Variants in CTNNA1 observed in about 807,000 individuals in gnomAD.
CTNNA1 encodes the protein catenin alpha-1.
In CTNNA1, 37 loss-of-function variants were observed where a neutral mutation model predicts 98.4. The ratio of observed to expected loss-of-function variants is 0.38; its 90% CI spans 0.29 to 0.49. The LOEUF is 0.49. Ranked by LOEUF, CTNNA1 falls within the 20% of genes least tolerant of loss-of-function variation. The probability of loss-of-function intolerance (pLI) is 0.95; values close to 1 mark genes in which losing one functional copy is unlikely to be tolerated. For synonymous variants in CTNNA1, 404 were observed against 413.2 expected (o/e 0.98, Z 0.27); for missense variants, 761 against 1,147.2 (o/e 0.66, Z 4.86).
chr5:138,861,391 T>A (rs937416995), intron 7 of CTNNA1, among the ~76,000 whole-genome samples: 1 of 152,224 alleles, frequency 6.6e-6, no homozygotes, highest in African/African-American at 2.4e-5. Context: ...TGCCTAATGT[T>A]CGTGTCTTTT....
intron 1 of CTNNA1, among the ~76,000 whole-genome samples, chr5:138,777,109 T>C (rs1754376882): frequency 1.4e-5 from 2 of 144,846 alleles, no homozygotes; most frequent in South Asian, 2.3e-4. Flanking sequence ...TATGGGGCGG[T>C]TGCCAGGCGG....
intron 9 of CTNNA1, among the ~76,000 whole-genome samples, chr5:138,903,687 C>T (rs535020944): frequency 6.6e-6 from 1 of 152,292 alleles, no homozygotes; most frequent in South Asian, 2.1e-4. Context: ...CCGCATCAGC[C>T]AGGAGAGATT....
chr5:138,844,872 TAG>T (rs952409071), intron 7 of CTNNA1, among the ~76,000 whole-genome samples: 1 of 152,102 alleles, frequency 6.6e-6, no homozygotes, highest in African/African-American at 2.4e-5. Context: ...AAAAATTAAT[TAG>T]TGTGCAGGAG....
chr5:138,832,452 A>G (rs1282087941), intron 7 of CTNNA1, among the ~76,000 whole-genome samples: 2 of 152,226 alleles, frequency 1.3e-5, no homozygotes, highest in African/African-American at 2.4e-5. Flanking sequence ...TGGCTCTGTC[A>G]GCCTAAAGTT....
rs374974612 is a variant in CTNNA1, at chr5:138,884,137, G to T, written c.1063-2075G>T. Among the ~76,000 whole-genome samples, 45 of 152,308 alleles carry T rather than the reference G, an allele frequency of 3.0e-4. 2 individuals carry two copies. The East Asian group carries it at 6.8e-3, about 23-fold the overall frequency. On this transcript the variant is annotated intron_variant, in intron 7 of 17. Coordinates refer to ENST00000302763, the MANE Select transcript of CTNNA1 (RefSeq NM_001903.5). The stretch of plus-strand genomic sequence containing the variant: ...GTAGACATCAATCAACACATGTAAG[G>T]TGTACATTGGTTTGGTCCTGAAAGC...
At chr5:138,924,326 G>C (rs915020616) in intron 11 of CTNNA1, among the ~76,000 whole-genome samples, 184 bp from the exon 12 acceptor site, 1 of 150,720 alleles carries the variant, frequency 6.6e-6, no homozygotes, top group South Asian at 2.1e-4. Context: ...GTTATTCTTG[G>C]GGGTGATAAC....
chr5:138,896,499 C>T (rs1756847813), intron 9 of CTNNA1, among the ~76,000 whole-genome samples: 1 of 152,184 alleles, frequency 6.6e-6, no homozygotes, highest in African/African-American at 2.4e-5. Context: ...CTGCACTTCT[C>T]AGTGGAATCT....
rs141057148 is a variant in CTNNA1 at position 138,786,643 on chromosome 5, G to C, written c.301+3271G>C. 7.2e-5 allele frequency among the ~76,000 whole-genome samples: 11 copies of C among 152,254 alleles called. No homozygotes were observed. The East Asian group carries it at 2.1e-3, about 29-fold the overall frequency. On this transcript the variant is annotated intron_variant, in intron 3 of 17. Coordinates refer to ENST00000302763, the MANE Select transcript of CTNNA1 (RefSeq NM_001903.5). ...CTTTTTCTCATGGATTATTCTGTCT[G>C]GGGGAAGCTGGCTGCTATGTCTTGA...
chr5:138,786,584 G>T (rs1298489721), intron 3 of CTNNA1, among the ~76,000 whole-genome samples: 1 of 152,160 alleles, frequency 6.6e-6, no homozygotes, highest in Non-Finnish European at 1.5e-5. Flanking sequence ...TACTTTGGGA[G>T]CAAAGTTATA....
intron 1 of CTNNA1, among the ~76,000 whole-genome samples, chr5:138,756,279 C>T (rs1281897484): frequency 6.6e-6 from 1 of 152,066 alleles, no homozygotes; most frequent in African/African-American, 2.4e-5. Flanking sequence ...TCGTGATCCA[C>T]CTCGGCCTCC....
chr5:138,902,704 C>T (rs1268595610), intron 9 of CTNNA1, among the ~76,000 whole-genome samples: 1 of 152,208 alleles, frequency 6.6e-6, no homozygotes, highest in African/African-American at 2.4e-5. Context: ...CAGGCATGAG[C>T]CACCGTGCCC....
intron 16 of CTNNA1, chr5:138,931,628 C>T (rs1580919220): frequency 1.0e-6 from 1 of 985,454 alleles, no homozygotes. Flanking sequence ...ACAAACCAGT[C>T]TTGTCCTTTC....
chr5:138,862,742 G>C (rs1206625834), intron 7 of CTNNA1, among the ~76,000 whole-genome samples: 4 of 152,160 alleles, frequency 2.6e-5, no homozygotes, highest in African/African-American at 9.7e-5. Context: ...GTGTAACAAG[G>C]CTGTTGAGGC....
intron 1 of CTNNA1, among the ~76,000 whole-genome samples, chr5:138,757,027 C>T (rs1053116970): frequency 1.1e-4 from 17 of 150,712 alleles, no homozygotes; most frequent in African/African-American, 3.2e-4. Context: ...TATGAGACCC[C>T]GCCTCTAAAA....
intron 7 of CTNNA1, among the ~76,000 whole-genome samples, chr5:138,864,391 A>G (rs1764550579): frequency 2.0e-5 from 3 of 152,208 alleles, no homozygotes; most frequent in Admixed American, 6.5e-5. Flanking sequence ...AGCAGTAAAC[A>G]ATTATAAAAA....
At chr5:138,785,971 C>T (rs1042705718) in intron 3 of CTNNA1, among the ~76,000 whole-genome samples, 3 of 152,168 alleles carry the variant, frequency 2.0e-5, no homozygotes, top group Non-Finnish European at 4.4e-5. Context: ...TCAGAAGTTT[C>T]TCCAGTGCAA....
intron 9 of CTNNA1, among the ~76,000 whole-genome samples, chr5:138,896,392 T>C (rs1181823194): frequency 6.6e-6 from 1 of 152,212 alleles, no homozygotes; most frequent in Non-Finnish European, 1.5e-5. Flanking sequence ...GAATCTTTTG[T>C]GATTTTACTT....
In CTNNA1 at chr5:138,924,626, G is replaced by A. The variant is rs201877485; in HGVS notation, c.1663G>A (p.Val555Ile). Residue 555 changes from valine (V) to isoleucine (I), a missense_variant, in exon 12 of 18, where the codon GTA becomes ATA. Val to Ile is a conservative substitution (Grantham distance 29). This residue lies in a region of CTNNA1 where 287 missense variants were observed against 436.0 expected (regional missense o/e 0.66). Transcript: ENST00000302763. ...IRGRAARVIH[V>I]VTSEMDNYEP... ...AGGCCGGGCAGCCCGGGTCATTCAC[G>A]TAGTCACCTCAGAGATGGACAACTA... The A allele has an allele frequency of 2.1e-5, 34 of 1,613,318 alleles. No homozygotes were observed. The highest frequency in any genetic ancestry group is 2.0e-4 in the Admixed American group (12 of 59,896).
At chr5:138,764,795 A>G (rs995291786) in intron 1 of CTNNA1, among the ~76,000 whole-genome samples, 4 of 151,590 alleles carry the variant, frequency 2.6e-5, no homozygotes, top group Non-Finnish European at 4.4e-5. Flanking sequence ...TCGGGTCTTT[A>G]AGACCAGTGA....
Sources: allele counts gnomAD v4.1 joint callset (sites outside exome capture counted in the v4.1 genomes callset), GRCh38; gene constraint gnomAD v4.1.1; regional missense constraint gnomAD v4.1.1; transcripts MANE v1.5; gene names NCBI Gene and HGNC (gene_info 2026-07-23, HGNC 2026-07-21).